SHISA6: variants seen among roughly 807,000 people sequenced by gnomAD.
The protein encoded by SHISA6 is protein shisa-6.
SHISA6 carries 22 observed loss-of-function variants against 47.9 expected under a neutral mutation model. That is an observed-to-expected ratio of 0.46 (90% CI 0.33 to 0.66). The LOEUF is 0.66. Ranked by LOEUF, SHISA6 falls within the 30% of genes least tolerant of loss-of-function variation. SHISA6 has a pLI of 0.02. For synonymous variants in SHISA6, 388 were observed against 337.8 expected, an observed-to-expected ratio of 1.15 and a Z score of -1.63; for missense variants, 680 against 764.6, an observed-to-expected ratio of 0.89 and a Z score of 1.30.
intron 4 of SHISA6, among the ~76,000 whole-genome samples, chr17:11,553,244 G>A (rs1488487751): frequency 6.6e-6 from 1 of 152,198 alleles, no homozygotes; most frequent in African/African-American, 2.4e-5. Flanking sequence ...AGAAGCCTCA[G>A]GAGTGGGGGC....
At chr17:11,422,373 C>A (rs1291544188) in intron 3 of SHISA6, among the ~76,000 whole-genome samples, 1 of 152,150 alleles carries the variant, frequency 6.6e-6, no homozygotes, top group Non-Finnish European at 1.5e-5. Flanking sequence ...AAGCCACTAC[C>A]GAGCCCAGTC....
At chr17:11,512,760 T>C (rs1027914329) in intron 3 of SHISA6, among the ~76,000 whole-genome samples, 10 of 152,144 alleles carry the variant, frequency 6.6e-5, no homozygotes, top group Admixed American at 5.9e-4. Flanking sequence ...GAGAGTGTTA[T>C]AGTATAATAT....
At chr17:11,518,878 T>C (rs1023904750) in intron 3 of SHISA6, among the ~76,000 whole-genome samples, 18 of 152,148 alleles carry the variant, frequency 1.2e-4, no homozygotes, top group African/African-American at 3.4e-4. Context: ...TCCTTTCAAC[T>C]CCCAGCTGAT....
chr17:11,403,857 T>C (rs1033430187), intron 3 of SHISA6, among the ~76,000 whole-genome samples: 5 of 152,172 alleles, frequency 3.3e-5, no homozygotes, highest in African/African-American at 1.2e-4. Flanking sequence ...CTGGGTGGTG[T>C]TCCTCAGAGA....
intron 3 of SHISA6, among the ~76,000 whole-genome samples, chr17:11,434,501 G>A (rs527678071): frequency 2.4e-4 from 36 of 152,158 alleles, no homozygotes; most frequent in African/African-American, 7.9e-4. Context: ...GCCATTTGAC[G>A]GCCCCTAAAA....
rs138334104 is a variant in SHISA6, at chr17:11,404,146, G to A, written c.895+24637G>A. On this transcript the variant is annotated intron_variant, in intron 3 of 5. Coordinates refer to ENST00000441885, the MANE Select transcript of SHISA6 (RefSeq NM_207386.4). ...AAAGCCAGAGACTCAGTAAAAGCTC[G>A]TGATGCAGGCAATTCTGAAACTCCT... Among the ~76,000 whole-genome samples, 345 of 152,322 alleles carry A rather than the reference G, an allele frequency of 2.3e-3. 4 individuals carry two copies. Among genetic ancestry groups the A allele is most frequent in the South Asian group, 3.5e-3 (17 of 4,828 alleles).
At chr17:11,354,961 C>CA (rs1912034449) in intron 2 of SHISA6, among the ~76,000 whole-genome samples, 1 of 152,164 alleles carries the variant, frequency 6.6e-6, no homozygotes, top group African/African-American at 2.4e-5. Context: ...TGATTTGGAG[C>CA]AAAATGAAAA....
Position 11,560,174 on chromosome 17 carries a change from C to T in SHISA6, c.*1870C>T, listed in dbSNP as rs968687644. 6.6e-6 allele frequency: 1 copy of T among 152,164 alleles called. No individual in the cohort carries two copies. The highest frequency in any genetic ancestry group is 2.1e-4 in the South Asian group (1 of 4,818). 9.4% of individuals were successfully genotyped at this position (152,164 alleles called of 1,614,324 possible). A position where few individuals can be genotyped will look rare whatever the true frequency, so the allele number is the denominator to read the frequency against. ...TGTCCTTTCACTGATTTCAAGAGTT[C>T]CAAAGCTCTCATCTCCTTCTCCCCT... On this transcript the variant is annotated 3_prime_UTR_variant, in exon 6 of 6. Transcript: ENST00000441885.
intron 3 of SHISA6, among the ~76,000 whole-genome samples, chr17:11,512,748 AAG>A (rs777611481): frequency 2.0e-5 from 3 of 152,290 alleles, no homozygotes; most frequent in South Asian, 2.1e-4. Context: ...TAATATAATT[AAG>A]AGAGTGTTAT....
At position 11,456,368 on chromosome 17, in the gene SHISA6, G is replaced by T. The variant is rs1160929050; in HGVS notation, c.895+76859G>T. On this transcript the variant is annotated intron_variant, in intron 3 of 5. Coordinates refer to ENST00000441885, the MANE Select transcript of SHISA6 (RefSeq NM_207386.4). Reference sequence around the variant, plus strand: ...TCCTCTTCCTAAGTGCCTTCCAGAGGCACTCAGTGTGCCGACAGTCACCTG... The same window carrying T: ...TCCTCTTCCTAAGTGCCTTCCAGAGTCACTCAGTGTGCCGACAGTCACCTG... Among the ~76,000 whole-genome samples the T allele has an allele frequency of 2.0e-5, 3 of 152,134 alleles. No homozygotes were observed. In the East Asian group the frequency reaches 5.8e-4, roughly 29 times the overall value.
intron 2 of SHISA6, among the ~76,000 whole-genome samples, chr17:11,305,273 G>A (rs758253778): frequency 6.6e-6 from 1 of 152,310 alleles, no homozygotes; most frequent in African/African-American, 2.4e-5. Flanking sequence ...CATAAAACTA[G>A]CTACTTCATG....
chr17:11,277,260 TCTCTCTCTCTCTCTCTCTCTCACA>T (rs1477243275), intron 2 of SHISA6, among the ~76,000 whole-genome samples: 3 of 102,704 alleles, frequency 2.9e-5, no homozygotes, highest in African/African-American at 3.9e-5. Context: ...TCTCTCTCTC[TCTCTCTCTCTCTCTCTCTCTCACA>T]CACACACACA....
chr17:11,486,567 T>C (rs976073128), intron 3 of SHISA6, among the ~76,000 whole-genome samples: 2 of 152,136 alleles, frequency 1.3e-5, no homozygotes, highest in Admixed American at 6.5e-5. Context: ...AATTGACAAA[T>C]GGGCGGTCAG....
intron 3 of SHISA6, among the ~76,000 whole-genome samples, chr17:11,410,180 G>T (rs1464262233): frequency 1.3e-5 from 2 of 152,144 alleles, no homozygotes; most frequent in Admixed American, 6.5e-5. Context: ...AGTTGCTAGG[G>T]TAAGACTAAA....
At chr17:11,313,101 T>G (rs1402737939) in intron 2 of SHISA6, among the ~76,000 whole-genome samples, 1 of 152,216 alleles carries the variant, frequency 6.6e-6, no homozygotes, top group African/African-American at 2.4e-5. Context: ...CCAGTTCAAA[T>G]CAATTCCATC....
rs113826485 is a variant in SHISA6 at position 11,404,907 on chromosome 17, T to C, written c.895+25398T>C. 3.6e-4 allele frequency among the ~76,000 whole-genome samples: 55 copies of C among 152,262 alleles called. 1 individual carries two copies. Among genetic ancestry groups the C allele is most frequent in the African/African-American group, 1.3e-3 (53 of 41,544 alleles). On this transcript the variant is annotated intron_variant, in intron 3 of 5. Transcript: ENST00000441885. ...GATTACATAGCATTCCCCTTCTCAG[T>C]GTGGAACTCCCTTTATGTGAAAAGA... is the stretch of plus-strand genomic sequence containing the variant.
chr17:11,490,490 T>C (rs976981453), intron 3 of SHISA6, among the ~76,000 whole-genome samples: 1 of 152,106 alleles, frequency 6.6e-6, no homozygotes, highest in Non-Finnish European at 1.5e-5. Context: ...GCCTCCCTGA[T>C]GCCTTTGCAA....
At chr17:11,437,874 T>C (rs1290472041) in intron 3 of SHISA6, among the ~76,000 whole-genome samples, 1 of 152,166 alleles carries the variant, frequency 6.6e-6, no homozygotes. Flanking sequence ...CCAGAGTCTC[T>C]TCGACATTGG....
In SHISA6 at chr17:11,450,270, A is replaced by G. The variant is rs185075305; in HGVS notation, c.895+70761A>G. ...TTGACCTCATCTTAATTACATCTGC[A>G]GGAACCCTCTTTCCAAATAAGTTCC... On this transcript the variant is annotated intron_variant, in intron 3 of 5. Transcript: ENST00000441885. 2.7e-3 allele frequency among the ~76,000 whole-genome samples: 418 copies of G among 152,314 alleles called. 2 individuals carry two copies. The highest frequency in any genetic ancestry group is 9.6e-3 in the African/African-American group (399 of 41,574).
Sources: gnomAD v4.1 joint callset for allele counts (sites outside exome capture counted in the v4.1 genomes callset) on GRCh38, gnomAD v4.1.1 for gene constraint, MANE v1.5 for transcripts, NCBI Gene and HGNC (gene_info 2026-07-23, HGNC 2026-07-21) for gene names.